The following PHF21B variants were observed in gnomAD, a reference collection of about 807,000 sequenced individuals.
PHF21B encodes the protein PHD finger protein 21B, also known as PHD finger protein 4.
PHF21B carries 22 observed loss-of-function variants against 62.2 expected under a neutral mutation model. The observed-to-expected ratio is 0.35, with a 90% CI of 0.25 to 0.51. The LOEUF is 0.51. Ranked by LOEUF, PHF21B falls within the 20% of genes least tolerant of loss-of-function variation. PHF21B has a pLI of 0.97. For synonymous variants in PHF21B, 341 were observed against 314.7 expected (o/e 1.08, Z -0.88); for missense variants, 701 against 707.9 (o/e 0.99, Z 0.11).
chr22:44,975,130 G>C (rs528247686), intron 2 of PHF21B, among the ~76,000 whole-genome samples: 1 of 152,286 alleles, frequency 6.6e-6, no homozygotes, highest in Admixed American at 6.5e-5. Context: ...AGAGAGCAGA[G>C]AATCTTCCTG....
intron 2 of PHF21B, among the ~76,000 whole-genome samples, chr22:44,923,399 C>T (rs2071572506): frequency 1.3e-5 from 2 of 148,954 alleles, no homozygotes; most frequent in African/African-American, 4.9e-5. Context: ...TAAAACTGCT[C>T]GAACAAAATG....
At chr22:44,932,900 T>C (rs1428454935) in intron 2 of PHF21B, among the ~76,000 whole-genome samples, 1 of 151,952 alleles carries the variant, frequency 6.6e-6, no homozygotes, top group Non-Finnish European at 1.5e-5. Context: ...CTCACTGGAT[T>C]TGACAAACAT....
At chr22:44,889,820 C>A in intron 8 of PHF21B, 38 bp from the exon 9 acceptor site, 1 of 1,538,832 alleles carries the variant, frequency 6.5e-7, no homozygotes, top group Non-Finnish European at 8.7e-7. Flanking sequence ...ACGTTAGTGG[C>A]CGTCAGAGGA....
chr22:44,963,274 C>A (rs1220566600), intron 2 of PHF21B, among the ~76,000 whole-genome samples: 7 of 152,166 alleles, frequency 4.6e-5, no homozygotes, highest in African/African-American at 1.7e-4. Flanking sequence ...CGGAGGGCGA[C>A]CCGCCACGCT....
chr22:44,949,040 C>T (rs900073420), intron 2 of PHF21B, among the ~76,000 whole-genome samples: 2 of 152,104 alleles, frequency 1.3e-5, no homozygotes, highest in East Asian at 1.9e-4. Flanking sequence ...CGGTGGCTCA[C>T]GCCTGTAATC....
At chr22:44,923,070 T>C (rs145545620) in intron 2 of PHF21B, among the ~76,000 whole-genome samples, 155 of 152,264 alleles carry the variant, frequency 1.0e-3, no homozygotes, top group African/African-American at 3.6e-3. Flanking sequence ...GATTTAACAT[T>C]ATCTGACTCC....
intron 2 of PHF21B, among the ~76,000 whole-genome samples, chr22:44,944,669 T>C (rs1381437938): frequency 6.6e-6 from 1 of 152,130 alleles, no homozygotes; most frequent in Non-Finnish European, 1.5e-5. Context: ...ATCTGCTAGA[T>C]GTGGATGGTG....
chr22:44,938,828 G>C (rs1429591827), intron 2 of PHF21B, among the ~76,000 whole-genome samples: 2 of 152,200 alleles, frequency 1.3e-5, no homozygotes, highest in Admixed American at 6.5e-5. Flanking sequence ...CAGGAAATCT[G>C]GATGCGCCAT....
chr22:44,995,803 AC>A (rs1231794043), intron 2 of PHF21B, among the ~76,000 whole-genome samples: 12 of 54,572 alleles, frequency 2.2e-4, no homozygotes, highest in African/African-American at 3.5e-4. Context: ...CCCCACCTCC[AC>A]CCCCCCATCC....
At chr22:44,930,854 G>A (rs749911090) in intron 2 of PHF21B, among the ~76,000 whole-genome samples, 3 of 152,210 alleles carry the variant, frequency 2.0e-5, no homozygotes, top group Non-Finnish European at 2.9e-5. Context: ...TTTGGACCTC[G>A]GTATCTTCTC....
intron 2 of PHF21B, among the ~76,000 whole-genome samples, chr22:44,940,985 A>G (rs569436969): frequency 1.3e-5 from 2 of 152,290 alleles, no homozygotes; most frequent in African/African-American, 4.8e-5. Flanking sequence ...ACTCATTGCA[A>G]TTTTTAAAGG....
At chr22:44,969,439 G>T (rs556653641) in intron 2 of PHF21B, among the ~76,000 whole-genome samples, 31 of 152,316 alleles carry the variant, frequency 2.0e-4, no homozygotes, top group Admixed American at 5.2e-4. Flanking sequence ...GCCAAGGCGG[G>T]CGGATCACTT....
At chr22:44,983,964 C>T (rs895227087) in intron 2 of PHF21B, among the ~76,000 whole-genome samples, 3 of 151,714 alleles carry the variant, frequency 2.0e-5, no homozygotes, top group Non-Finnish European at 2.9e-5. Context: ...GGCCCCTTTC[C>T]GACATGCCGA....
At chr22:44,944,877 G>A (rs879408315) in intron 2 of PHF21B, among the ~76,000 whole-genome samples, 2 of 152,348 alleles carry the variant, frequency 1.3e-5, no homozygotes, top group East Asian at 3.9e-4. Flanking sequence ...GAAAGCATCC[G>A]ACTGCACAGT....
chr22:44,976,295 A>G (rs1039604953), intron 2 of PHF21B, among the ~76,000 whole-genome samples: 2 of 152,234 alleles, frequency 1.3e-5, no homozygotes, highest in African/African-American at 4.8e-5. Context: ...ATCGCCTCAT[A>G]CATTTATTAT....
chr22:44,885,067 G>C (rs747922752), intron 12 of PHF21B, among the ~76,000 whole-genome samples: 23 of 152,266 alleles, frequency 1.5e-4, no homozygotes, highest in Non-Finnish European at 3.1e-4. Context: ...AATATTTGTT[G>C]AATGAGTCAC....
intron 2 of PHF21B, among the ~76,000 whole-genome samples, chr22:44,942,684 C>T (rs1469472329): frequency 1.3e-5 from 2 of 152,202 alleles, no homozygotes; most frequent in African/African-American, 2.4e-5. Context: ...AGCTCACCCA[C>T]AGCCTGGCCC....
chr22:44,973,285 C>G (rs1269734496), intron 2 of PHF21B, among the ~76,000 whole-genome samples: 1 of 152,212 alleles, frequency 6.6e-6, no homozygotes, highest in Non-Finnish European at 1.5e-5. Context: ...CAAGTGCACT[C>G]AACCTATGCA....
At chr22:44,925,195 G>A (rs1601604961) in intron 2 of PHF21B, among the ~76,000 whole-genome samples, 1 of 152,310 alleles carries the variant, frequency 6.6e-6, no homozygotes, top group East Asian at 1.9e-4. Flanking sequence ...TTTTCAGGGA[G>A]AAAGATGTGT....
Sources: gnomAD v4.1 joint callset for allele counts (sites outside exome capture counted in the v4.1 genomes callset) on GRCh38, gnomAD v4.1.1 for gene constraint, MANE v1.5 for transcripts, NCBI Gene and HGNC (gene_info 2026-07-23, HGNC 2026-07-21) for gene names.